The following MAML3 variants were observed in gnomAD, a reference collection of about 807,000 sequenced individuals.
MAML3 encodes the protein mastermind like transcriptional coactivator 3, also known as mastermind-like protein 3.
Under a neutral mutation model 101.9 loss-of-function variants are expected in MAML3, and 27 were observed. The observed-to-expected ratio is 0.27, with a 90% confidence interval of 0.20 to 0.37. The LOEUF (loss-of-function observed/expected upper bound fraction) is 0.37. MAML3 is among the 10% of genes least tolerant of loss of function. The pLI is 1.00. For synonymous variants in MAML3, 501 were observed against 555.9 expected, an observed-to-expected ratio of 0.90 and a Z score of 1.39; for missense variants, 1,316 against 1,444.9, an observed-to-expected ratio of 0.91 and a Z score of 1.45.
chr4:139,943,893 C>T (rs148287384), intron 1 of MAML3, among the ~76,000 whole-genome samples: 188 of 40,288 alleles, frequency 4.7e-3, no homozygotes, highest in African/African-American at 0.017. Context: ...TTTTTTGAGA[C>T]GGAATCTTGT....
intron 1 of MAML3, among the ~76,000 whole-genome samples, chr4:140,030,868 G>A (rs769056743): frequency 1.3e-5 from 2 of 152,188 alleles, no homozygotes; most frequent in African/African-American, 4.8e-5. Flanking sequence ...AGGCACTGCT[G>A]TGTTAAGCAG....
intron 1 of MAML3, among the ~76,000 whole-genome samples, chr4:140,120,886 A>G (rs1391332088): frequency 6.6e-6 from 1 of 152,212 alleles, no homozygotes; most frequent in African/African-American, 2.4e-5. Context: ...ATCTTTATCC[A>G]TTATTAAAAA....
At chr4:139,920,141 A>G (rs1227651111) in intron 1 of MAML3, among the ~76,000 whole-genome samples, 2 of 152,160 alleles carry the variant, frequency 1.3e-5, no homozygotes, top group Admixed American at 1.3e-4. Flanking sequence ...TAATGACTCT[A>G]GTTATTTTTT....
chr4:139,828,207 A>G (rs1392373320), intron 2 of MAML3, among the ~76,000 whole-genome samples: 1 of 152,262 alleles, frequency 6.6e-6, no homozygotes, highest in Non-Finnish European at 1.5e-5. Context: ...CTGTAATAGC[A>G]TTTGTGATAG....
intron 1 of MAML3, among the ~76,000 whole-genome samples, chr4:139,963,890 G>T (rs191612002): frequency 7.9e-5 from 12 of 152,258 alleles, no homozygotes; most frequent in African/African-American, 2.6e-4. Context: ...AGATGATGAT[G>T]GCTATGTTCC....
At chr4:139,887,375 C>T (rs966938591) in intron 2 of MAML3, among the ~76,000 whole-genome samples, 4 of 152,166 alleles carry the variant, frequency 2.6e-5, no homozygotes, top group African/African-American at 9.7e-5. Context: ...ACATTCTGTC[C>T]ACACTGAAAA....
chr4:139,961,898 G>C (rs893036194), intron 1 of MAML3, among the ~76,000 whole-genome samples: 6 of 152,106 alleles, frequency 3.9e-5, no homozygotes, highest in Admixed American at 6.5e-5. Context: ...TGGATCACTT[G>C]GGCTCAGGAG....
chr4:140,032,955 C>G (rs1726931571), intron 1 of MAML3, among the ~76,000 whole-genome samples: 1 of 151,062 alleles, frequency 6.6e-6, no homozygotes, highest in Admixed American at 6.6e-5. Flanking sequence ...CTCTTGTGCA[C>G]TGGGTGATTT....
intron 1 of MAML3, among the ~76,000 whole-genome samples, chr4:139,915,645 C>T (rs564553299): frequency 2.0e-5 from 3 of 152,306 alleles, no homozygotes; most frequent in South Asian, 4.1e-4. Flanking sequence ...ATCCAAGGTA[C>T]GAAAGCATCC....
chr4:139,840,548 C>T lies in MAML3; in HGVS notation c.2079+48809G>A, dbSNP rs144371139. ...GAAAAGGCCTGGCAAGGGGTATTCTCGACAAATGAAGGGATCCAGTTCCCA... is the reference window on the plus strand; with the variant it reads ...GAAAAGGCCTGGCAAGGGGTATTCTTGACAAATGAAGGGATCCAGTTCCCA... On this transcript the variant is annotated intron_variant, in intron 2 of 4. Transcript: ENST00000509479. Among the ~76,000 whole-genome samples, 34 of 152,194 alleles carry T rather than the reference C, an allele frequency of 2.2e-4. 2 individuals carry two copies. The East Asian group carries it at 4.6e-3, about 21-fold the overall frequency.
At chr4:139,857,563 A>G (rs1731684849) in intron 2 of MAML3, among the ~76,000 whole-genome samples, 1 of 152,202 alleles carries the variant, frequency 6.6e-6, no homozygotes, top group Non-Finnish European at 1.5e-5. Flanking sequence ...AAGTCTCCCC[A>G]TCAATTAATC....
chr4:140,084,427 C>G (rs1444710529), intron 1 of MAML3, among the ~76,000 whole-genome samples: 1 of 152,216 alleles, frequency 6.6e-6, no homozygotes, highest in East Asian at 1.9e-4. Context: ...ACCTGGCACA[C>G]TGCCACCCTA....
rs534662881 is a variant in MAML3 at position 139,861,925 on chromosome 4, G to A, written c.2079+27432C>T. 9.8e-4 allele frequency among the ~76,000 whole-genome samples: 149 copies of A among 152,252 alleles called. 1 individual carries two copies. The highest frequency in any genetic ancestry group is 3.3e-3 in the African/African-American group (136 of 41,548). On this transcript the variant is annotated intron_variant, in intron 2 of 4. Transcript: ENST00000509479. The stretch of plus-strand genomic sequence containing the variant: ...CTGGGGAGCCTTGAAAATTATCAAT[G>A]CCGGCTGGGTGCAGTGGCTCATCCT...
At chr4:139,947,440 T>C (rs1363483591) in intron 1 of MAML3, among the ~76,000 whole-genome samples, 1 of 152,182 alleles carries the variant, frequency 6.6e-6, no homozygotes, top group African/African-American at 2.4e-5. Context: ...ACCAGGAACC[T>C]GGGAAAGTCT....
intron 1 of MAML3, among the ~76,000 whole-genome samples, chr4:139,994,745 CTTA>C (rs1734770030): frequency 6.6e-6 from 1 of 151,492 alleles, no homozygotes; most frequent in South Asian, 2.1e-4. Flanking sequence ...GTTTAACTCA[CTTA>C]TTAGTTTTAA....
chr4:140,150,826 C>A (rs1023588980), intron 1 of MAML3, among the ~76,000 whole-genome samples: 10 of 152,156 alleles, frequency 6.6e-5, no homozygotes, highest in Admixed American at 3.9e-4. Context: ...CGGGACCGGC[C>A]CCGCCTCCGG....
chr4:140,037,899 T>C (rs1578654050), intron 1 of MAML3, among the ~76,000 whole-genome samples: 1 of 152,328 alleles, frequency 6.6e-6, no homozygotes, highest in East Asian at 1.9e-4. Flanking sequence ...CTCTTTGTGG[T>C]GATAATTGGT....
intron 1 of MAML3, among the ~76,000 whole-genome samples, chr4:139,936,045 C>T (rs1465896762): frequency 1.3e-5 from 2 of 152,146 alleles, no homozygotes; most frequent in African/African-American, 4.8e-5. Context: ...TTTTCCCCGC[C>T]TCCCAGCCTC....
intron 2 of MAML3, among the ~76,000 whole-genome samples, chr4:139,811,482 G>A (rs1283584889): frequency 6.6e-6 from 1 of 152,164 alleles, no homozygotes; most frequent in Non-Finnish European, 1.5e-5. Context: ...ACTTACTGGT[G>A]AACCAGGGAA....
Sources: allele counts gnomAD v4.1 joint callset (sites outside exome capture counted in the v4.1 genomes callset), GRCh38; gene constraint gnomAD v4.1.1; transcripts MANE v1.5; gene names NCBI Gene and HGNC (gene_info 2026-07-23, HGNC 2026-07-21).